Variants in DYNC1I1 observed in about 807,000 individuals in gnomAD.
DYNC1I1 encodes the protein dynein cytoplasmic 1 intermediate chain 1, also known as cytoplasmic dynein 1 intermediate chain 1.
Under a neutral mutation model 86.6 loss-of-function variants are expected in DYNC1I1, and 43 were observed. The ratio of observed to expected loss-of-function variants is 0.50; its 90% CI spans 0.39 to 0.64. The LOEUF (loss-of-function observed/expected upper bound fraction) is 0.64, where lower values mean the gene tolerates loss of function less well. Among genes scored for constraint, DYNC1I1 ranks in the 30% least tolerant of loss-of-function variants. The probability of loss-of-function intolerance (pLI) is 0.00; values close to 1 mark genes in which losing one functional copy is unlikely to be tolerated. For synonymous variants in DYNC1I1, 262 were observed against 283.7 expected (o/e 0.92, Z 0.77); for missense variants, 604 against 788.8 (o/e 0.77, Z 2.81).
At chr7:95,838,197 G>GT (rs1353576663) in intron 5 of DYNC1I1, among the ~76,000 whole-genome samples, 6 of 151,944 alleles carry the variant, frequency 3.9e-5, no homozygotes, top group East Asian at 1.9e-4. Flanking sequence ...TCCATTTTGA[G>GT]TTTTTTTTGT....
downstream of DYNC1I1, among the ~76,000 whole-genome samples, chr7:96,098,594 G>C (rs1490299613): frequency 6.6e-6 from 1 of 152,134 alleles, no homozygotes; most frequent in African/African-American, 2.4e-5. Context: ...TTATTTTTAT[G>C]AGGGAATGTG....
intron 6 of DYNC1I1, among the ~76,000 whole-genome samples, chr7:95,964,522 T>A (rs1792956916): frequency 6.6e-6 from 1 of 152,234 alleles, no homozygotes; most frequent in African/African-American, 2.4e-5. Context: ...ATCTCCCATA[T>A]GCCCAGCCCT....
At chr7:95,783,970 AT>A (rs1794063231) in intron 1 of DYNC1I1, among the ~76,000 whole-genome samples, 1 of 152,256 alleles carries the variant, frequency 6.6e-6, no homozygotes, top group East Asian at 1.9e-4. Context: ...ACAGGATTTA[AT>A]TTTTTCCCCT....
At chr7:95,810,617 T>G (rs1794808609) in intron 3 of DYNC1I1, 111 bp downstream of exon 3, 1 of 919,640 alleles carries the variant, frequency 1.1e-6, no homozygotes, top group African/African-American at 1.7e-5. Flanking sequence ...ATTTTTATTT[T>G]TAAAGACATT....
chr7:95,982,162 A>G (rs975171021), intron 7 of DYNC1I1, among the ~76,000 whole-genome samples: 2 of 152,168 alleles, frequency 1.3e-5, no homozygotes, highest in African/African-American at 4.8e-5. Flanking sequence ...ATCAAAAATT[A>G]CTATGGCCCT....
At chr7:96,046,179 C>CA (rs1458655408) in intron 14 of DYNC1I1, among the ~76,000 whole-genome samples, 5 of 152,132 alleles carry the variant, frequency 3.3e-5, no homozygotes, top group Non-Finnish European at 7.3e-5. Flanking sequence ...CATTTTCATC[C>CA]AAATGGCTGG....
Position 95,863,323 on chromosome 7 carries a change from A to G in DYNC1I1, c.375-6560A>G, listed in dbSNP as rs567531083. 8.5e-5 allele frequency among the ~76,000 whole-genome samples: 13 copies of G among 152,190 alleles called. No individual in the cohort carries two copies. The East Asian group carries it at 2.3e-3, about 27-fold the overall frequency. On this transcript the variant is annotated intron_variant, in intron 5 of 16. Coordinates refer to ENST00000447467, the MANE Select transcript of DYNC1I1 (RefSeq NM_001135556.2). ...CCAAGTAAGTAGAAAACATATTATT[A>G]GTGGTTGTCAAGGGCTAGGCGAGGC... is the stretch of plus-strand genomic sequence containing the variant.
intron 16 of DYNC1I1, among the ~76,000 whole-genome samples, chr7:96,094,058 G>A (rs1790925882): frequency 1.3e-5 from 2 of 152,064 alleles, no homozygotes; most frequent in African/African-American, 4.8e-5. Context: ...GTAAATTTTA[G>A]GCTATTCACT....
At chr7:96,087,036 G>C (rs957912417) in intron 16 of DYNC1I1, among the ~76,000 whole-genome samples, 4 of 151,986 alleles carry the variant, frequency 2.6e-5, no homozygotes, top group Non-Finnish European at 5.9e-5. Context: ...AGTACTGGGA[G>C]CTAAAAAGGG....
At chr7:96,037,423 GA>G (rs1356081683) in intron 13 of DYNC1I1, among the ~76,000 whole-genome samples, 2 of 152,162 alleles carry the variant, frequency 1.3e-5, no homozygotes, top group African/African-American at 4.8e-5. Context: ...ATGACGGTGA[GA>G]AAGATAAATA....
chr7:95,967,456 CTT>C (rs1793045659), intron 6 of DYNC1I1, among the ~76,000 whole-genome samples: 1 of 152,112 alleles, frequency 6.6e-6, no homozygotes, highest in Admixed American at 6.6e-5. Flanking sequence ...TACCCTTGTG[CTT>C]TTGTTTCCTT....
chr7:95,961,776 A>G (rs1346568972), intron 6 of DYNC1I1, among the ~76,000 whole-genome samples: 1 of 152,228 alleles, frequency 6.6e-6, no homozygotes, highest in Non-Finnish European at 1.5e-5. Flanking sequence ...GCCTGTTGGG[A>G]ATATAGCTAC....
chr7:96,006,628 T>A (rs762023022), intron 10 of DYNC1I1, among the ~76,000 whole-genome samples: 1 of 152,216 alleles, frequency 6.6e-6, no homozygotes, highest in Non-Finnish European at 1.5e-5. Context: ...TTGGACAACA[T>A]GGACAGAGAA....
intron 6 of DYNC1I1, among the ~76,000 whole-genome samples, chr7:95,889,342 T>G (rs1407956936): frequency 6.6e-6 from 1 of 152,172 alleles, no homozygotes; most frequent in East Asian, 1.9e-4. Context: ...AAATTACCCC[T>G]TATAGAAACG....
At chr7:96,089,189 A>AC (rs1790768004) in intron 16 of DYNC1I1, among the ~76,000 whole-genome samples, 2 of 151,552 alleles carry the variant, frequency 1.3e-5, no homozygotes, top group African/African-American at 4.9e-5. Flanking sequence ...TGACTTAAAA[A>AC]AAAAAATTCA....
chr7:96,038,428 A>G (rs932805637), intron 13 of DYNC1I1, among the ~76,000 whole-genome samples: 2 of 152,224 alleles, frequency 1.3e-5, no homozygotes, highest in African/African-American at 4.8e-5. Flanking sequence ...GAGGGCTGCA[A>G]ATAATAACAG....
chr7:95,941,543 G>C (rs1232919145), intron 6 of DYNC1I1, among the ~76,000 whole-genome samples: 2 of 152,210 alleles, frequency 1.3e-5, no homozygotes, highest in Non-Finnish European at 2.9e-5. Flanking sequence ...CCACCTTGCA[G>C]TTTGATCTCA....
chr7:95,905,527 A>C (rs760149364), intron 6 of DYNC1I1, among the ~76,000 whole-genome samples: 1 of 152,160 alleles, frequency 6.6e-6, no homozygotes, highest in Non-Finnish European at 1.5e-5. Flanking sequence ...TCTAAGACTC[A>C]TGCTAATATT....
chr7:96,003,767 C>A (rs571515151), intron 10 of DYNC1I1, among the ~76,000 whole-genome samples: 1 of 152,060 alleles, frequency 6.6e-6, no homozygotes, highest in Non-Finnish European at 1.5e-5. Context: ...GCCACTACCA[C>A]CCCCGAGAGG....
Sources: gnomAD v4.1 joint callset for allele counts (sites outside exome capture counted in the v4.1 genomes callset) on GRCh38, gnomAD v4.1.1 for gene constraint, MANE v1.5 for transcripts, NCBI Gene and HGNC (gene_info 2026-07-23, HGNC 2026-07-21) for gene names.